PDZD2: variants seen among roughly 807,000 people sequenced by gnomAD.
PDZD2 encodes PDZ domain-containing protein 2.
PDZD2 carries 90 observed loss-of-function variants against 220.7 expected under a neutral mutation model. The observed-to-expected ratio is 0.41, with a 90% CI of 0.34 to 0.49. PDZD2 has a LOEUF of 0.49. Among genes scored for constraint, PDZD2 ranks in the 20% least tolerant of loss-of-function variants. PDZD2 has a pLI of 0.28. For synonymous variants in PDZD2, 1,375 were observed against 1,450.5 expected (o/e 0.95, Z 1.18); for missense variants, 3,174 against 3,608.5 (o/e 0.88, Z 3.08).
rs1745215234 is a variant in PDZD2 at position 32,109,961 on chromosome 5, T to TATTG, written c.*1830_*1833dup. 6.6e-6 allele frequency: 1 copy of TATTG among 152,610 alleles called. No individual in the cohort carries two copies. Among genetic ancestry groups the TATTG allele is most frequent in the African/African-American group, 2.4e-5 (1 of 41,434 alleles). 9.5% of individuals were successfully genotyped at this position (152,610 alleles called of 1,614,324 possible). ...GTACAGGAGTTAGTTAGAAAGGTCT[T>TATTG]ATTGATTTTACTTCTACTTTTCACT... On this transcript the variant is annotated 3_prime_UTR_variant, in exon 25 of 25. Coordinates refer to ENST00000438447, the MANE Select transcript of PDZD2 (RefSeq NM_178140.4).
At chr5:31,916,287 A>G (rs1743670936) in intron 2 of PDZD2, among the ~76,000 whole-genome samples, 1 of 152,162 alleles carries the variant, frequency 6.6e-6, no homozygotes, top group African/African-American at 2.4e-5. Flanking sequence ...TCATTCAGAG[A>G]CAGTTGGCTG....
At chr5:31,923,630 CT>C (rs573549377) in intron 2 of PDZD2, 68 of 719,390 alleles carry the variant, frequency 9.5e-5, no homozygotes, top group African/African-American at 9.4e-4. Flanking sequence ...CATTCAGTCA[CT>C]AGTTGGATGG....
Position 31,668,627 on chromosome 5 carries a change from G to A in PDZD2, c.-361+29190G>A, listed in dbSNP as rs1020273441. 2.6e-5 allele frequency among the ~76,000 whole-genome samples: 4 copies of A among 152,168 alleles called. No individual in the cohort carries two copies. The South Asian group carries it at 6.2e-4, about 24-fold the overall frequency. ...GTCATAAACGGATAGTAATAACCCAGGAGGGGATTATGTTTTGGGGTTGCA... is the reference window on the plus strand; with the variant it reads ...GTCATAAACGGATAGTAATAACCCAAGAGGGGATTATGTTTTGGGGTTGCA... On this transcript the variant is annotated intron_variant, in intron 1 of 24. Coordinates refer to ENST00000438447, the MANE Select transcript of PDZD2 (RefSeq NM_178140.4).
intron 2 of PDZD2, among the ~76,000 whole-genome samples, chr5:31,805,051 C>T (rs928406994): frequency 6.6e-6 from 1 of 152,086 alleles, no homozygotes; most frequent in East Asian, 1.9e-4. Context: ...AAAAATTAGC[C>T]AGGTGTGGTG....
At chr5:32,075,529 A>G (rs929951880) in intron 18 of PDZD2, among the ~76,000 whole-genome samples, 4 of 152,240 alleles carry the variant, frequency 2.6e-5, no homozygotes, top group African/African-American at 9.6e-5. Context: ...ACAGGAATGC[A>G]TTCACTTAGA....
chr5:31,711,382 C>G (rs964104456), intron 1 of PDZD2, among the ~76,000 whole-genome samples: 4 of 152,206 alleles, frequency 2.6e-5, no homozygotes, highest in Non-Finnish European at 5.9e-5. Context: ...GAAAGGGTCT[C>G]TTTGCTCTTG....
In PDZD2 at chr5:32,090,664, GA is replaced by G; in HGVS notation, c.7218del (p.Ala2407ProfsTer15). 2 of 1,614,082 alleles carry G rather than the reference GA, an allele frequency of 1.2e-6. No individual in the cohort carries two copies. Among genetic ancestry groups the G allele is most frequent in the Non-Finnish European group, 1.7e-6 (2 of 1,180,006 alleles). On this transcript the variant is annotated frameshift_variant, in exon 20 of 25. Transcript: ENST00000438447. LOFTEE classifies it high-confidence loss of function. This position sits in a 1 kb window ranked among gnomAD's most constrained non-coding sequence, Gnocchi z 4.3. ...SLSSCSENQS[E>X]AGTLLPQMAK... is the part of the protein sequence containing the mutation. ...GAGTTCCTGCAGCGAAAACCAAAGC[GA>G]AGCCGGCACCCTCCTGCCCCAGATG... is the stretch of plus-strand genomic sequence containing the variant.
Position 31,766,082 on chromosome 5 carries a change from G to A in PDZD2, c.-360-32807G>A, listed in dbSNP as rs764882007. On this transcript the variant is annotated intron_variant, in intron 1 of 24. Coordinates refer to ENST00000438447, the MANE Select transcript of PDZD2 (RefSeq NM_178140.4). Reference sequence around the variant, plus strand: ...GTAGTCCCAGCTACTCAGGGGGCTGGGGTGGAAGAATTACCTGAGCCCAGG... The same window carrying A: ...GTAGTCCCAGCTACTCAGGGGGCTGAGGTGGAAGAATTACCTGAGCCCAGG... Among the ~76,000 whole-genome samples, 38 of 152,192 alleles carry A rather than the reference G, an allele frequency of 2.5e-4. No individual in the cohort carries two copies. In the Middle Eastern group the frequency reaches 0.01, roughly 41 times the overall value.
intron 2 of PDZD2, among the ~76,000 whole-genome samples, chr5:31,951,744 CTT>C: frequency 6.6e-6 from 1 of 152,150 alleles, no homozygotes; most frequent in Admixed American, 6.5e-5. Flanking sequence ...GTTTTGTGCC[CTT>C]TCTCTCAGAA....
chr5:31,963,846 C>A (rs1282984182), intron 2 of PDZD2, among the ~76,000 whole-genome samples: 1 of 152,132 alleles, frequency 6.6e-6, no homozygotes, highest in Non-Finnish European at 1.5e-5. Flanking sequence ...GCTCAATCCC[C>A]CAATGCCCAG....
chr5:31,759,320 G>A (rs902259561), intron 1 of PDZD2, among the ~76,000 whole-genome samples: 13 of 152,044 alleles, frequency 8.6e-5, no homozygotes, highest in Admixed American at 2.6e-4. Flanking sequence ...TCGAGGCTTC[G>A]GGGGGAGTGC....
chr5:31,939,268 T>C (rs1003636117), intron 2 of PDZD2, among the ~76,000 whole-genome samples: 15 of 152,206 alleles, frequency 9.9e-5, no homozygotes, highest in African/African-American at 3.4e-4. Flanking sequence ...AATTTAGAGA[T>C]TAAGCAACCT....
In PDZD2 at chr5:31,935,642, A is replaced by T. The variant is rs115595203; in HGVS notation, c.477-47513A>T. On this transcript the variant is annotated intron_variant, in intron 2 of 24. Transcript: ENST00000438447. The stretch of plus-strand genomic sequence containing the variant: ...TTTTGTTTGCATTTGGATGCAATTT[A>T]AAAAAAAATCTGGCCCTTTAATAAG... 8.9e-3 allele frequency among the ~76,000 whole-genome samples: 1,354 copies of T among 151,730 alleles called. 24 individuals carry two copies. The highest frequency in any genetic ancestry group is 0.031 in the African/African-American group (1,301 of 41,428).
Position 32,108,055 on chromosome 5 carries a change from T to G in PDZD2, c.8440T>G (p.Phe2814Val), listed in dbSNP as rs1318250074. 3 of 1,611,156 alleles carry G rather than the reference T, an allele frequency of 1.9e-6. No homozygotes were observed. The Admixed American group carries it at 5.0e-5, about 27-fold the overall frequency. ...GAAACCTCTGGTTGGGCTCATGCAC[T>G]TTGATGCCTGGAATATTATGAAGTC... ...NGKPLVGLMH[F>V]DAWNIMKSVP... Residue 2814 changes from phenylalanine to valine, a missense_variant, in exon 25 of 25, where the codon TTT (phenylalanine) becomes GTT (valine). Physicochemically the swap from Phe to Val is conservative, Grantham distance 50. Coordinates refer to ENST00000438447, the MANE Select transcript of PDZD2 (RefSeq NM_178140.4).
chr5:31,869,890 A>T (rs1738622399), intron 2 of PDZD2, among the ~76,000 whole-genome samples: 1 of 152,120 alleles, frequency 6.6e-6, no homozygotes. Context: ...GAAGGTGGTG[A>T]TGGCGTCTGG....
chr5:31,800,620 A>G (rs1467187582), intron 2 of PDZD2, among the ~76,000 whole-genome samples: 1 of 152,258 alleles, frequency 6.6e-6, no homozygotes, highest in Non-Finnish European at 1.5e-5. Context: ...CTGAGGGGTT[A>G]GATCTTATCT....
intron 2 of PDZD2, among the ~76,000 whole-genome samples, chr5:31,957,960 C>A (rs1034593023): frequency 6.6e-6 from 1 of 152,118 alleles, no homozygotes; most frequent in African/African-American, 2.4e-5. Context: ...TTTCATCTTG[C>A]CACCTAGACA....
At chr5:31,822,757 C>A in intron 2 of PDZD2, 2 of 1,109,164 alleles carry the variant, frequency 1.8e-6, no homozygotes, top group Non-Finnish European at 1.3e-6. Flanking sequence ...TGGCCTCATC[C>A]AAATCCTGCA....
intron 1 of PDZD2, among the ~76,000 whole-genome samples, chr5:31,744,870 A>G (rs1021857863): frequency 5.9e-5 from 9 of 151,826 alleles, no homozygotes; most frequent in African/African-American, 1.7e-4. Flanking sequence ...GGAGATTGAG[A>G]CCATCCTGGC....
Sources: gnomAD v4.1 joint callset for allele counts (sites outside exome capture counted in the v4.1 genomes callset) on GRCh38, gnomAD v4.1.1 for gene constraint, Gnocchi (gnomAD v3.1) non-coding constraint, MANE v1.5 for transcripts, NCBI Gene and HGNC (gene_info 2026-07-23, HGNC 2026-07-21) for gene names.